Variants in BMPR1B observed in about 807,000 individuals in gnomAD.
The protein encoded by BMPR1B is bone morphogenetic protein receptor type-1B.
A neutral mutation model predicts 59.1 loss-of-function variants in BMPR1B; 12 were observed. The observed-to-expected ratio is 0.20, with a 90% CI of 0.13 to 0.33. The LOEUF is 0.33. BMPR1B is among the 10% of genes least tolerant of loss of function. The probability of loss-of-function intolerance (pLI) is 1.00; values close to 1 mark genes in which losing one functional copy is unlikely to be tolerated. For synonymous variants in BMPR1B, 237 were observed against 207.3 expected (o/e 1.14, Z -1.23); for missense variants, 550 against 610.9 (o/e 0.90, Z 1.05).
At chr4:95,107,496 A>G (rs1209331728) in intron 4 of BMPR1B, among the ~76,000 whole-genome samples, 1 of 152,130 alleles carries the variant, frequency 6.6e-6, no homozygotes, top group African/African-American at 2.4e-5. Flanking sequence ...ATCCCTCAAA[A>G]GAACATAGAT....
chr4:94,761,415 C>CTGTGTGTGTGTGTG (rs57447983), intron 1 of BMPR1B, among the ~76,000 whole-genome samples: 9 of 141,284 alleles, frequency 6.4e-5, no homozygotes, highest in Admixed American at 1.4e-4. Context: ...CTGTATAATT[C>CTGTGTGTGTGTGTG]TGTGTGTGTG....
chr4:95,105,137 T>G (rs879343133), intron 4 of BMPR1B, among the ~76,000 whole-genome samples: 8 of 152,142 alleles, frequency 5.3e-5, no homozygotes, highest in African/African-American at 7.2e-5. Context: ...CATTTGAAAC[T>G]GAACTATTTT....
At chr4:94,854,995 G>C (rs1056071519) in intron 1 of BMPR1B, among the ~76,000 whole-genome samples, 1 of 151,976 alleles carries the variant, frequency 6.6e-6, no homozygotes, top group Non-Finnish European at 1.5e-5. Flanking sequence ...TTTTATTCCA[G>C]AATATGCCTA....
At chr4:95,085,989 C>CTGTGTGTGTGTG (rs3068102) in intron 3 of BMPR1B, among the ~76,000 whole-genome samples, 5,902 of 149,786 alleles carry the variant, frequency 0.039, 363 homozygotes, top group African/African-American at 0.14. Flanking sequence ...GTGTGTGTAC[C>CTGTGTGTGTGTG]TGTGTGTGTG....
At chr4:94,985,953 C>T (rs938908059) in intron 2 of BMPR1B, among the ~76,000 whole-genome samples, 5 of 152,192 alleles carry the variant, frequency 3.3e-5, no homozygotes, top group Non-Finnish European at 7.4e-5. Context: ...TTTACCCAAG[C>T]ACCATGGATC....
chr4:95,032,253 G>C (rs1486567024), intron 3 of BMPR1B, among the ~76,000 whole-genome samples: 5 of 149,766 alleles, frequency 3.3e-5, no homozygotes, highest in African/African-American at 1.2e-4. Context: ...ATGACTGGGG[G>C]AGAGAGAGAG....
At chr4:94,807,821 A>C (rs1723668351) in intron 1 of BMPR1B, among the ~76,000 whole-genome samples, 1 of 152,060 alleles carries the variant, frequency 6.6e-6, no homozygotes, top group Non-Finnish European at 1.5e-5. Context: ...AGTAGCTGGG[A>C]TTACAGGCGC....
intron 2 of BMPR1B, among the ~76,000 whole-genome samples, chr4:94,949,011 A>G (rs2149051965): frequency 6.6e-6 from 1 of 152,310 alleles, no homozygotes; most frequent in East Asian, 1.9e-4. Context: ...TCTGGGATAC[A>G]TGTGCAGAAC....
Position 95,125,107 on chromosome 4 carries a change from G to C in BMPR1B, c.571G>C (p.Gly191Arg). 1.9e-6 allele frequency: 3 copies of C among 1,613,754 alleles called. No individual in the cohort carries two copies. Among genetic ancestry groups the C allele is most frequent in the Non-Finnish European group, 2.5e-6 (3 of 1,179,772 alleles). ...GTCTCAGAGCTCAGGAAGTGGATCAGGCCTCCCTCTGCTGGTATGAGAAGA... is the reference window on the plus strand; with the variant it reads ...GTCTCAGAGCTCAGGAAGTGGATCACGCCTCCCTCTGCTGGTATGAGAAGA... The part of the protein sequence containing the change: ...EQSQSSGSGS[G>R]LPLLVQRTIA... Residue 191 changes from glycine to arginine, a missense_variant, in exon 8 of 13, where the codon GGC becomes CGC. Physicochemically the swap from Gly to Arg is moderately radical, Grantham distance 125. Coordinates refer to ENST00000515059, the MANE Select transcript of BMPR1B (RefSeq NM_001203.3).
chr4:94,800,505 T>C (rs17022258), intron 1 of BMPR1B, among the ~76,000 whole-genome samples: 46,413 of 148,104 alleles, frequency 0.31, 7,886 homozygotes, highest in African/African-American at 0.44. Context: ...AGACAAGGAC[T>C]GTTAAGCACC....
intron 3 of BMPR1B, among the ~76,000 whole-genome samples, chr4:95,016,439 G>A (rs1723595097): frequency 6.6e-6 from 1 of 152,164 alleles, no homozygotes; most frequent in Non-Finnish European, 1.5e-5. Flanking sequence ...TCATACAGAT[G>A]TTTTATTCGT....
rs1727181269 is a variant in BMPR1B at position 94,886,652 on chromosome 4, T to C, written c.-113+10752T>C. Among the ~76,000 whole-genome samples, 5 of 152,324 alleles carry C rather than the reference T, an allele frequency of 3.3e-5. No individual in the cohort carries two copies. The South Asian group carries it at 1.0e-3, about 32-fold the overall frequency. On this transcript the variant is annotated intron_variant, in intron 2 of 12. Transcript: ENST00000515059. Reference sequence around the variant, plus strand: ...CTCCCCAATGGATATGAAATTAATTTACCACTAATAAATTTCTATTCAAAA... The same window carrying C: ...CTCCCCAATGGATATGAAATTAATTCACCACTAATAAATTTCTATTCAAAA...
intron 10 of BMPR1B, among the ~76,000 whole-genome samples, chr4:95,134,155 G>C (rs564351248): frequency 1.4e-4 from 21 of 152,258 alleles, no homozygotes; most frequent in Admixed American, 6.5e-4. Flanking sequence ...AGTTTGCTCA[G>C]AATGATGGTT....
Position 95,125,126 on chromosome 4 carries a change from GAGA to G in BMPR1B, c.585+10_585+12del, listed in dbSNP as rs776094589. On this transcript the variant is annotated splice_donor_region_variant and intron_variant, in intron 8 of 12. Transcript: ENST00000515059. ...GGATCAGGCCTCCCTCTGCTGGTAT[GAGA>G]AGAACACATCTTGAATTTAAAGGAA... The G allele has an allele frequency of 3.1e-6, 5 of 1,613,550 alleles. No individual in the cohort carries two copies. Among genetic ancestry groups the G allele is most frequent in the Admixed American group, 1.7e-5 (1 of 59,926 alleles).
chr4:94,929,638 A>G (rs141008578), intron 2 of BMPR1B, among the ~76,000 whole-genome samples: 43 of 152,032 alleles, frequency 2.8e-4, no homozygotes, highest in African/African-American at 8.4e-4. Context: ...TCTCAGATCA[A>G]TTTGAAGCTT....
rs562229645 is a variant in BMPR1B at position 94,977,962 on chromosome 4, G to A, written c.-112-18078G>A. On this transcript the variant is annotated intron_variant, in intron 2 of 12. Coordinates refer to ENST00000515059, the MANE Select transcript of BMPR1B (RefSeq NM_001203.3). ...TTTTCTATTTTCAACATCACTATGG[G>A]CAATGGTATGGCTATTTTTTTTCTA... Among the ~76,000 whole-genome samples, 52 of 152,254 alleles carry A rather than the reference G, an allele frequency of 3.4e-4. 2 individuals carry two copies. Among genetic ancestry groups the A allele is most frequent in the Middle Eastern group, 3.4e-3 (1 of 294 alleles).
At chr4:94,998,079 A>G (rs551812782) in intron 3 of BMPR1B, among the ~76,000 whole-genome samples, 5 of 152,304 alleles carry the variant, frequency 3.3e-5, no homozygotes, top group African/African-American at 1.2e-4. Context: ...GATAATGTCT[A>G]CATTAGGATG....
intron 1 of BMPR1B, among the ~76,000 whole-genome samples, chr4:94,840,980 C>T (rs1399569437): frequency 6.8e-6 from 1 of 146,832 alleles, no homozygotes; most frequent in Non-Finnish European, 1.5e-5. Context: ...TTCCTTCTAA[C>T]AGACAGGACC....
At chr4:94,774,569 A>T (rs1323870949) in intron 1 of BMPR1B, among the ~76,000 whole-genome samples, 4 of 151,940 alleles carry the variant, frequency 2.6e-5, no homozygotes, top group African/African-American at 9.7e-5. Flanking sequence ...TTATTTATGA[A>T]TTTTTTCTTC....
Sources: gnomAD v4.1 joint callset for allele counts (sites outside exome capture counted in the v4.1 genomes callset) on GRCh38, gnomAD v4.1.1 for gene constraint, MANE v1.5 for transcripts, NCBI Gene and HGNC (gene_info 2026-07-23, HGNC 2026-07-21) for gene names.